HPSE: variants seen among roughly 807,000 people sequenced by gnomAD.
HPSE encodes the protein endo-glucoronidase.
Under a neutral mutation model 65.1 loss-of-function variants are expected in HPSE, and 48 were observed. The observed-to-expected ratio is 0.74, with a 90% CI of 0.58 to 0.94. The LOEUF (loss-of-function observed/expected upper bound fraction) is 0.94, where lower values mean the gene tolerates loss of function less well. Among genes scored for constraint, HPSE ranks in the 40% least tolerant of loss-of-function variants. The probability of loss-of-function intolerance (pLI) is 0.00; values close to 1 mark genes in which losing one functional copy is unlikely to be tolerated. For missense variants in HPSE, 644 were observed against 637.5 expected, an observed-to-expected ratio of 1.01 and a Z score of -0.11; for synonymous variants, 243 against 260.0, an observed-to-expected ratio of 0.93 and a Z score of 0.63.
chr4:83,300,931 G>A (rs767517684), intron 11 of HPSE, 29 bp downstream of exon 11: 3 of 1,486,334 alleles, frequency 2.0e-6, no homozygotes, highest in Non-Finnish European at 2.7e-6. Context: ...TTTATTGAAA[G>A]TTTGGAATGA....
chr4:83,295,617 A>G, intron 11 of HPSE, 114 bp from the exon 12 acceptor site: 3 of 696,332 alleles, frequency 4.3e-6, no homozygotes, highest in Middle Eastern at 2.6e-4. Context: ...GTGGCAGCCT[A>G]TATTATATAA....
chr4:83,317,762 T>C (rs551817157), intron 3 of HPSE, among the ~76,000 whole-genome samples: 2 of 152,198 alleles, frequency 1.3e-5, no homozygotes, highest in East Asian at 1.9e-4. Flanking sequence ...TAAGAGCAAA[T>C]CCATTAATTA....
chr4:83,329,019 C>T (rs1478080172), intron 1 of HPSE, among the ~76,000 whole-genome samples: 1 of 152,076 alleles, frequency 6.6e-6, no homozygotes, highest in Non-Finnish European at 1.5e-5. Flanking sequence ...GAAGTATGGT[C>T]ATGTGCTAAG....
chr4:83,321,898 G>T (rs188460407), intron 2 of HPSE, among the ~76,000 whole-genome samples: 1 of 150,774 alleles, frequency 6.6e-6, no homozygotes, highest in Admixed American at 6.6e-5. Context: ...CTACCCACTT[G>T]CTCCCTCCAA....
intron 2 of HPSE, among the ~76,000 whole-genome samples, chr4:83,320,433 G>A (rs1244720775): frequency 4.6e-5 from 7 of 152,124 alleles, no homozygotes; most frequent in African/African-American, 1.7e-4. Context: ...GGGCGTGGTG[G>A]TGTGTGCCTG....
chr4:83,308,302 A>C (rs185308338), intron 8 of HPSE, among the ~76,000 whole-genome samples: 12 of 152,264 alleles, frequency 7.9e-5, no homozygotes, highest in African/African-American at 2.9e-4. Context: ...GCTACTCAGG[A>C]CGCTGAGGCA....
intron 4 of HPSE, among the ~76,000 whole-genome samples, chr4:83,311,853 C>A (rs912147979): frequency 1.3e-5 from 2 of 151,002 alleles, no homozygotes; most frequent in African/African-American, 4.9e-5. Flanking sequence ...CATTTCATTT[C>A]CCATTTAATC....
intron 11 of HPSE, among the ~76,000 whole-genome samples, chr4:83,297,263 C>A (rs570346299): frequency 6.6e-6 from 1 of 151,856 alleles, no homozygotes; most frequent in Non-Finnish European, 1.5e-5. Context: ...ATGATGTTCA[C>A]ACAAGGATGA....
Position 83,334,638 on chromosome 4 carries a change from G to C in HPSE, c.145C>G (p.Leu49Val). The C allele has an allele frequency of 6.3e-7, 1 of 1,587,262 alleles. No individual in the cohort carries two copies. The highest frequency in any genetic ancestry group is 8.6e-7 in the Non-Finnish European group (1 of 1,166,780). ...AGGAACGAGGGGCTCACCAGGTGCA[G>C]CGGCTCCTGGGTGAAGAAGTCCAGG... is the stretch of plus-strand genomic sequence containing the variant. ...VDLDFFTQEP[L>V]HLVSPSFLSV... Residue 49 changes from leucine (L) to valine (V), a missense_variant, in exon 1 of 12, where the codon CTG (leucine) becomes GTG (valine). Coordinates refer to ENST00000311412, the MANE Select transcript of HPSE (RefSeq NM_001098540.3).
intron 9 of HPSE, 99 bp downstream of exon 9, chr4:83,306,101 CTAG>C: frequency 1.6e-6 from 1 of 642,344 alleles, no homozygotes; most frequent in Non-Finnish European, 2.8e-6. Flanking sequence ...CATGATTTGG[CTAG>C]TTACTGAGAG....
chr4:83,296,836 T>G (rs945099699), intron 11 of HPSE, among the ~76,000 whole-genome samples: 1 of 152,146 alleles, frequency 6.6e-6, no homozygotes, highest in African/African-American at 2.4e-5. Context: ...TTATTATTAC[T>G]AAGATAAATA....
chr4:83,324,822 G>A (rs1053564039), intron 1 of HPSE, among the ~76,000 whole-genome samples: 4 of 152,196 alleles, frequency 2.6e-5, no homozygotes, highest in Admixed American at 1.3e-4. Context: ...TTGGGAAGAC[G>A]AAGAAGTTCT....
rs1735655242 is a variant in HPSE at position 83,294,547 on chromosome 4, C to T, written c.*797G>A. The T allele has an allele frequency of 6.6e-6, 1 of 152,202 alleles. No individual in the cohort carries two copies. Among genetic ancestry groups the T allele is most frequent in the Admixed American group, 6.6e-5 (1 of 15,262 alleles). 9.4% of individuals were successfully genotyped at this position (152,202 alleles called of 1,614,324 possible). ...CCAAGGTGGGAGGATCAATTGAGTCCAGGAGTTCAGGACCAGTTTGGGTAA... is the reference window on the plus strand; with the variant it reads ...CCAAGGTGGGAGGATCAATTGAGTCTAGGAGTTCAGGACCAGTTTGGGTAA... On this transcript the variant is annotated 3_prime_UTR_variant, in exon 12 of 12. Transcript: ENST00000311412.
intron 1 of HPSE, among the ~76,000 whole-genome samples, chr4:83,328,889 G>A (rs1328234353): frequency 6.6e-6 from 1 of 152,136 alleles, no homozygotes; most frequent in East Asian, 1.9e-4. Context: ...GGGCAGAAAT[G>A]GAAGAAGCAG....
intron 9 of HPSE, among the ~76,000 whole-genome samples, chr4:83,304,019 G>GA (rs56369831): frequency 0.93 from 141,930 of 152,108 alleles, 67,017 homozygotes; most frequent in East Asian, 1. Flanking sequence ...GAAAACAGGA[G>GA]AAAACAAACA....
chr4:83,310,176 CT>C, intron 5 of HPSE, 98 bp from the exon 6 acceptor site: 1 of 743,772 alleles, frequency 1.3e-6, no homozygotes. Flanking sequence ...CTGGTTACTG[CT>C]TTAGGATCAG....
intron 6 of HPSE, 85 bp downstream of exon 6, chr4:83,309,946 G>C: frequency 1.1e-6 from 1 of 922,198 alleles, no homozygotes; most frequent in East Asian, 2.5e-5. Flanking sequence ...TCAATTGGCA[G>C]TTAAATGAAC....
chr4:83,321,204 C>T (rs1210699524), intron 2 of HPSE, among the ~76,000 whole-genome samples: 3 of 152,012 alleles, frequency 2.0e-5, no homozygotes, highest in African/African-American at 7.2e-5. Flanking sequence ...TCTAAAAAAA[C>T]GCCCCCAAAA....
chr4:83,330,228 A>G (rs1364645512), intron 1 of HPSE, among the ~76,000 whole-genome samples: 2 of 152,236 alleles, frequency 1.3e-5, no homozygotes, highest in African/African-American at 4.8e-5. Flanking sequence ...ATATGCAGCC[A>G]TTACTCAAAA....
Sources: gnomAD v4.1 joint callset for allele counts (sites outside exome capture counted in the v4.1 genomes callset) on GRCh38, gnomAD v4.1.1 for gene constraint, MANE v1.5 for transcripts, NCBI Gene and HGNC (gene_info 2026-07-23, HGNC 2026-07-21) for gene names.